The following MRTFB variants were observed in gnomAD, a reference collection of about 807,000 sequenced individuals.
MRTFB encodes myocardin-related transcription factor B.
Under a neutral mutation model 104.2 loss-of-function variants are expected in MRTFB, and 29 were observed. That is an observed-to-expected ratio of 0.28 (90% confidence interval 0.21 to 0.38). The LOEUF is 0.38. MRTFB is among the 10% of genes least tolerant of loss of function. MRTFB has a pLI of 1.00. For missense variants in MRTFB, 1,270 were observed against 1,341.6 expected (o/e 0.95, Z 0.83); for synonymous variants, 535 against 519.5 (o/e 1.03, Z -0.41).
At chr16:14,224,240 A>AAT (rs1290863153) in intron 8 of MRTFB, among the ~76,000 whole-genome samples, 1 of 152,168 alleles carries the variant, frequency 6.6e-6, no homozygotes, top group Non-Finnish European at 1.5e-5. Context: ...TTACAATTTG[A>AAT]CATGAGATTT....
chr16:14,250,816 C>T (rs551637714), intron 13 of MRTFB, among the ~76,000 whole-genome samples: 13 of 152,224 alleles, frequency 8.5e-5, no homozygotes, highest in Middle Eastern at 3.4e-3. Flanking sequence ...CAGATTCAAG[C>T]GGCGTCGCTG....
rs926989384 is a variant in MRTFB, at chr16:14,100,922, A to T, written c.-64+21568A>T. On this transcript the variant is annotated intron_variant, in intron 2 of 16. Coordinates refer to ENST00000571589, the MANE Select transcript of MRTFB (RefSeq NM_001308142.2). ...TGACGTTGCCTCTCTCACTCCTGAT[A>T]TTGGTAATCTGTGTCTTCTCTCTTT... 2.0e-5 allele frequency among the ~76,000 whole-genome samples: 3 copies of T among 152,070 alleles called. No homozygotes were observed. In the East Asian group the frequency reaches 5.8e-4, roughly 29 times the overall value.
intron 3 of MRTFB, among the ~76,000 whole-genome samples, chr16:14,165,091 G>A (rs13331670): frequency 0.089 from 13,432 of 151,736 alleles, 1,217 homozygotes; most frequent in African/African-American, 0.23. Flanking sequence ...AACAGTTTCC[G>A]TGATGAATCT....
chr16:14,139,781 C>T (rs560215011), intron 2 of MRTFB, among the ~76,000 whole-genome samples: 8 of 152,312 alleles, frequency 5.3e-5, no homozygotes, highest in Admixed American at 4.6e-4. Flanking sequence ...CTATGAAATG[C>T]TACTAAATAA....
intron 3 of MRTFB, chr16:14,195,694 A>G (rs2040402269): frequency 7.6e-6 from 3 of 392,640 alleles, no homozygotes; most frequent in Non-Finnish European, 1.0e-5. Flanking sequence ...AGAACATTCT[A>G]TACAATGTAC....
chr16:14,245,912 AT>A (rs2042992781), intron 11 of MRTFB, among the ~76,000 whole-genome samples: 1 of 152,084 alleles, frequency 6.6e-6, no homozygotes, highest in Admixed American at 6.6e-5. Flanking sequence ...AGAGGCTGTG[AT>A]TTTTTTCTTC....
At chr16:14,259,409 A>C in intron 16 of MRTFB, among the ~76,000 whole-genome samples, 1 of 152,198 alleles carries the variant, frequency 6.6e-6, no homozygotes, top group Admixed American at 6.5e-5. Context: ...TAAGTATATT[A>C]TTTCATCTTG....
chr16:14,242,117 A>G (rs1258323653), intron 10 of MRTFB, among the ~76,000 whole-genome samples: 1 of 152,074 alleles, frequency 6.6e-6, no homozygotes, highest in Non-Finnish European at 1.5e-5. Context: ...TATTGACCCC[A>G]TTCCCAGATG....
At chr16:14,148,599 G>A (rs2038445301) in intron 3 of MRTFB, 1 of 152,550 alleles carries the variant, frequency 6.6e-6, no homozygotes, top group African/African-American at 2.4e-5. Flanking sequence ...ATGTTTTTCT[G>A]ACTCCTTTAC....
intron 8 of MRTFB, among the ~76,000 whole-genome samples, chr16:14,231,260 G>T (rs1470506126): frequency 6.6e-6 from 1 of 150,896 alleles, no homozygotes; most frequent in Non-Finnish European, 1.5e-5. Context: ...TTGTGCACAT[G>T]TACCCTAAAA....
chr16:14,236,498 A>T (rs183856674), intron 9 of MRTFB, among the ~76,000 whole-genome samples: 39 of 152,232 alleles, frequency 2.6e-4, no homozygotes, highest in African/African-American at 9.4e-4. Flanking sequence ...CCAAATAGAG[A>T]GTGTGCCGGG....
At chr16:14,149,011 C>G (rs550426341) in intron 3 of MRTFB, among the ~76,000 whole-genome samples, 2 of 152,268 alleles carry the variant, frequency 1.3e-5, no homozygotes, top group Non-Finnish European at 2.9e-5. Context: ...CTTGCCAGCT[C>G]TCTCAATTAG....
chr16:14,087,099 G>A (rs2034755205), intron 2 of MRTFB, among the ~76,000 whole-genome samples: 1 of 152,114 alleles, frequency 6.6e-6, no homozygotes, highest in Admixed American at 6.6e-5. Flanking sequence ...AAAAATTGAA[G>A]TACTTGTATG....
Position 14,226,444 on chromosome 16 carries a change from G to T in MRTFB, c.693+7446G>T, listed in dbSNP as rs367921519. Among the ~76,000 whole-genome samples the T allele has an allele frequency of 2.6e-5, 4 of 152,100 alleles. No individual in the cohort carries two copies. The East Asian group carries it at 5.8e-4, about 22-fold the overall frequency. ...CATCCAGTGGGGAAAGGATAGTCTC[G>T]TCAACAAATGGTACTGGGAAAACTG... On this transcript the variant is annotated intron_variant, in intron 8 of 16. Coordinates refer to ENST00000571589, the MANE Select transcript of MRTFB (RefSeq NM_001308142.2).
chr16:14,190,056 A>G (rs1378509067), intron 3 of MRTFB, among the ~76,000 whole-genome samples: 1 of 152,220 alleles, frequency 6.6e-6, no homozygotes, highest in Non-Finnish European at 1.5e-5. Flanking sequence ...TTGTCATCAC[A>G]GTGCAGAGAA....
At chr16:13,996,074 C>A in the MRTFB span, among the ~76,000 whole-genome samples, 1 of 152,156 alleles carries the variant, frequency 6.6e-6, no homozygotes, top group Non-Finnish European at 1.5e-5. Context: ...GAGTCCGAGA[C>A]CAGCCTGGCC....
chr16:14,191,205 C>A (rs923695781), intron 3 of MRTFB, among the ~76,000 whole-genome samples: 2 of 152,140 alleles, frequency 1.3e-5, no homozygotes, highest in South Asian at 2.1e-4. Flanking sequence ...AAAAATTCAG[C>A]TCCTCAGTCA....
the MRTFB span, among the ~76,000 whole-genome samples, chr16:14,010,926 A>G: frequency 6.6e-6 from 1 of 152,276 alleles, no homozygotes; most frequent in African/African-American, 2.4e-5. Context: ...TACCACAGAA[A>G]GATCTATTGG....
intron 13 of MRTFB, among the ~76,000 whole-genome samples, chr16:14,250,179 C>T (rs976319719): frequency 6.6e-6 from 1 of 152,048 alleles, no homozygotes; most frequent in South Asian, 2.1e-4. Flanking sequence ...AATTTTTTAC[C>T]AAATTTAAGG....
Sources: gnomAD v4.1 joint callset for allele counts (sites outside exome capture counted in the v4.1 genomes callset) on GRCh38, gnomAD v4.1.1 for gene constraint, MANE v1.5 for transcripts, NCBI Gene and HGNC (gene_info 2026-07-23, HGNC 2026-07-21) for gene names.